Variants in PTPDC1 observed in about 807,000 individuals in gnomAD.
PTPDC1 encodes protein tyrosine phosphatase domain containing 1.
In PTPDC1, 53 loss-of-function variants were observed where a neutral mutation model predicts 75.3. That is an observed-to-expected ratio of 0.70 (90% CI 0.56 to 0.88). The LOEUF is 0.88. Among genes scored for constraint, PTPDC1 ranks in the 40% least tolerant of loss-of-function variants. The pLI is 0.00. For synonymous variants in PTPDC1, 349 were observed against 366.2 expected (o/e 0.95, Z 0.54); for missense variants, 925 against 998.6 (o/e 0.93, Z 0.99).
chr9:94,093,881 C>T (rs1462161261), intron 4 of PTPDC1, among the ~76,000 whole-genome samples: 1 of 150,082 alleles, frequency 6.7e-6, no homozygotes, highest in Non-Finnish European at 1.5e-5. Flanking sequence ...CGCATCGGCT[C>T]CTGAGGCTTC....
In PTPDC1 at chr9:94,089,197, T is replaced by C. The variant is rs576957938; in HGVS notation, c.616+934T>C. ...GCACCCACTAACTCGTCATCTAGCA[T>C]TAGGTATATCTCCCAATGCTATCCC... On this transcript the variant is annotated intron_variant, in intron 4 of 8. Coordinates refer to ENST00000620992, the MANE Select transcript of PTPDC1 (RefSeq NM_001253829.2). Among the ~76,000 whole-genome samples the C allele has an allele frequency of 7.4e-3, 1,085 of 145,660 alleles. 12 individuals carry two copies. The highest frequency in any genetic ancestry group is 0.026 in the African/African-American group (1,030 of 39,634).
intron 1 of PTPDC1, among the ~76,000 whole-genome samples, chr9:94,049,779 A>G (rs1825729966): frequency 6.6e-6 from 1 of 152,196 alleles, no homozygotes; most frequent in African/African-American, 2.4e-5. Context: ...AGATTGGGGA[A>G]GTTCTCCTGG....
chr9:94,044,535 A>G (rs758723867), intron 1 of PTPDC1, among the ~76,000 whole-genome samples: 4 of 152,092 alleles, frequency 2.6e-5, no homozygotes, highest in Non-Finnish European at 5.9e-5. Context: ...CCCATTTATA[A>G]GTGAGAACAT....
chr9:94,075,448 A>C (rs1826651894), intron 2 of PTPDC1, among the ~76,000 whole-genome samples: 2 of 152,152 alleles, frequency 1.3e-5, no homozygotes, highest in Admixed American at 1.3e-4. Flanking sequence ...TTTTAACTGG[A>C]GTAGCGTGGG....
intron 4 of PTPDC1, among the ~76,000 whole-genome samples, chr9:94,092,566 A>T (rs1257792250): frequency 2.0e-4 from 31 of 151,816 alleles, no homozygotes; most frequent in African/African-American, 6.1e-4. Context: ...TTCTGTTGAT[A>T]TGGGGTGGAG....
At chr9:94,032,969 C>T (rs1829755805) in intron 1 of PTPDC1, among the ~76,000 whole-genome samples, 1 of 152,162 alleles carries the variant, frequency 6.6e-6, no homozygotes, top group Non-Finnish European at 1.5e-5. Context: ...TCAAGCAATC[C>T]TCCCACCTCA....
At chr9:94,061,057 C>A (rs1018076662) in intron 1 of PTPDC1, among the ~76,000 whole-genome samples, 2 of 152,162 alleles carry the variant, frequency 1.3e-5, no homozygotes, top group Non-Finnish European at 2.9e-5. Flanking sequence ...CACCTGTGAG[C>A]CTGTAAAATC....
chr9:94,053,010 GTTAACA>G (rs1483579046), intron 1 of PTPDC1, among the ~76,000 whole-genome samples: 1 of 152,230 alleles, frequency 6.6e-6, no homozygotes, highest in Admixed American at 6.5e-5. Flanking sequence ...TTCATCTATA[GTTAACA>G]TCTTACCCAT....
intron 2 of PTPDC1, 63 bp from the exon 3 acceptor site, chr9:94,087,767 AT>A (rs1827129495): frequency 1.2e-5 from 14 of 1,126,278 alleles, no homozygotes; most frequent in Non-Finnish European, 1.9e-5. Context: ...GGACTGGAAC[AT>A]CTCTTTGGAC....
chr9:94,046,376 G>C (rs879630745), intron 1 of PTPDC1, among the ~76,000 whole-genome samples: 5 of 152,114 alleles, frequency 3.3e-5, no homozygotes, highest in African/African-American at 4.8e-5. Context: ...TTCCAATTCT[G>C]TGAAGAAAGT....
Position 94,108,161 on chromosome 9 carries a change from G to A in PTPDC1, c.*217G>A. 3.2e-6 allele frequency: 1 copy of A among 316,938 alleles called. No individual in the cohort carries two copies. Among genetic ancestry groups the A allele is most frequent in the Non-Finnish European group, 5.7e-6 (1 of 175,384 alleles). The allele number at this position is 316,938 out of a possible 1,614,324, so 19.6% of individuals were successfully genotyped here. A position where few individuals can be genotyped will look rare whatever the true frequency, so the allele number is the denominator to read the frequency against. ...GTTTTGAAAAATTGCCATAAATTTG[G>A]TGCCACTTTCTTTTATTTATTTGAC... is the stretch of plus-strand genomic sequence containing the variant. On this transcript the variant is annotated 3_prime_UTR_variant, in exon 9 of 9. Transcript: ENST00000620992.
At chr9:94,085,214 G>A (rs1369026403) in intron 1 of PTPDC1, 37 bp from the exon 2 acceptor site, 2 of 1,570,902 alleles carry the variant, frequency 1.3e-6, no homozygotes, top group South Asian at 1.1e-5. Context: ...CATTTGGAGA[G>A]TGGAATTTTG....
intron 4 of PTPDC1, among the ~76,000 whole-genome samples, chr9:94,089,244 A>C (rs1242899580): frequency 2.6e-5 from 3 of 114,450 alleles, no homozygotes; most frequent in African/African-American, 6.8e-5. Context: ...CCCACCCCAC[A>C]ACAGTCCCCA....
At chr9:94,030,890 G>A (rs1211494644) in exon 1 of PTPDC1, 4 of 152,144 alleles carry the variant, frequency 2.6e-5, no homozygotes, top group African/African-American at 9.7e-5. Context: ...ACGTTGTCCG[G>A]CGGGCTGGGC....
intron 1 of PTPDC1, among the ~76,000 whole-genome samples, chr9:94,037,604 T>C (rs1164741900): frequency 1.3e-5 from 2 of 152,188 alleles, no homozygotes; most frequent in Admixed American, 1.3e-4. Context: ...GAATTTTTTT[T>C]TTCTAGAACA....
intron 2 of PTPDC1, among the ~76,000 whole-genome samples, 179 bp from the exon 3 acceptor site, chr9:94,087,652 G>C (rs1458806679): frequency 1.3e-5 from 2 of 152,076 alleles, no homozygotes; most frequent in Non-Finnish European, 2.9e-5. Context: ...GTATTGTTTT[G>C]ATTTTATTGA....
At chr9:94,082,587 G>C (rs977834676), upstream of PTPDC1, among the ~76,000 whole-genome samples, 3 of 152,164 alleles carry the variant, frequency 2.0e-5, no homozygotes, top group African/African-American at 7.2e-5. Context: ...CTCGTGTCCA[G>C]AGGTGGGTAC....
At chr9:94,082,336 CT>C (rs1383782177), upstream of PTPDC1, among the ~76,000 whole-genome samples, 1 of 152,214 alleles carries the variant, frequency 6.6e-6, no homozygotes, top group Non-Finnish European at 1.5e-5. Flanking sequence ...TGTTCTATGA[CT>C]TTAGGAAGCA....
At chr9:94,091,353 G>A (rs1432468813) in intron 4 of PTPDC1, among the ~76,000 whole-genome samples, 5 of 152,122 alleles carry the variant, frequency 3.3e-5, no homozygotes, top group African/African-American at 1.2e-4. Flanking sequence ...TGTGGTTTTT[G>A]TCTTTGGCTC....
Sources: allele counts gnomAD v4.1 joint callset (sites outside exome capture counted in the v4.1 genomes callset), GRCh38; gene constraint gnomAD v4.1.1; transcripts MANE v1.5; gene names NCBI Gene and HGNC (gene_info 2026-07-23, HGNC 2026-07-21).